The following IQCE variants were observed in gnomAD, a reference collection of about 807,000 sequenced individuals.
IQCE encodes the protein IQ domain-containing protein E.
A neutral mutation model predicts 96.0 loss-of-function variants in IQCE; 115 were observed. That is an observed-to-expected ratio of 1.20 (90% CI 1.03 to 1.40). The LOEUF is 1.40. Among genes scored for constraint, IQCE ranks in the 40% most tolerant of loss-of-function variants. The pLI, the probability that IQCE is intolerant of heterozygous loss-of-function variation, is 0.00. For synonymous variants in IQCE, 412 were observed against 371.2 expected, an observed-to-expected ratio of 1.11 and a Z score of -1.26; for missense variants, 1,041 against 909.1, an observed-to-expected ratio of 1.15 and a Z score of -1.87.
intron 2 of IQCE, 44 bp downstream of exon 2, chr7:2,567,207 C>T (rs375504814): frequency 3.3e-5 from 51 of 1,536,792 alleles, no homozygotes; most frequent in African/African-American, 4.1e-5. Context: ...GGGCTGGTTG[C>T]GCTGCCCTTG....
In IQCE at chr7:2,574,956, G is replaced by A. The variant is rs545963311; in HGVS notation, c.465+1468G>A. ...CTTCTGTCTTGGTCTTCGCTGAGAC[G>A]CCCACCCTGTGCCTCTTCACTTGTT... On this transcript the variant is annotated intron_variant, in intron 6 of 21. Coordinates refer to ENST00000402050, the MANE Select transcript of IQCE (RefSeq NM_152558.5). 1.7e-4 allele frequency among the ~76,000 whole-genome samples: 26 copies of A among 152,306 alleles called. 1 individual carries two copies. The South Asian group carries it at 3.7e-3, about 22-fold the overall frequency.
chr7:2,590,675 G>T, intron 14 of IQCE, among the ~76,000 whole-genome samples: 1 of 152,040 alleles, frequency 6.6e-6, no homozygotes. Context: ...CCAAGGCAGA[G>T]GATCACTTGA....
intron 17 of IQCE, among the ~76,000 whole-genome samples, chr7:2,600,852 A>G (rs1488472824): frequency 1.3e-5 from 2 of 152,188 alleles, no homozygotes; most frequent in Non-Finnish European, 2.9e-5. Flanking sequence ...GCTCACATCT[A>G]TAAGAACACA....
chr7:2,609,395 C>T lies in IQCE; in HGVS notation c.1970-649C>T, dbSNP rs1041229662. Among the ~76,000 whole-genome samples the T allele has an allele frequency of 4.2e-4, 64 of 151,998 alleles. 1 individual carries two copies. The highest frequency in any genetic ancestry group is 1.5e-3 in the African/African-American group (62 of 41,426). The stretch of plus-strand genomic sequence containing the variant: ...TCCTGGGTTCAAGCCACCCTCCCAC[C>T]TCGGCCTCCAGAGTCCTGGGGTTAC... On this transcript the variant is annotated intron_variant, in intron 21 of 21. Coordinates refer to ENST00000402050, the MANE Select transcript of IQCE (RefSeq NM_152558.5).
rs546685728 is a variant in IQCE at position 2,596,152 on chromosome 7, G to A, written c.1440+1176G>A. 3.9e-5 allele frequency among the ~76,000 whole-genome samples: 6 copies of A among 152,286 alleles called. No individual in the cohort carries two copies. The East Asian group carries it at 5.8e-4, about 15-fold the overall frequency. ...CCACCACCTATGGTCCCAGCTGCTC[G>A]GGAGGCAGCGGTGGGAAGATCGCTC... is the stretch of plus-strand genomic sequence containing the variant. On this transcript the variant is annotated intron_variant, in intron 16 of 21. Coordinates refer to ENST00000402050, the MANE Select transcript of IQCE (RefSeq NM_152558.5).
At position 2,578,273 on chromosome 7, in the gene IQCE, T is replaced by G; in HGVS notation, c.497T>G (p.Leu166Arg). ...CACGTGCAGAAGAGCGACGTGGACC[T>G]GATGAGAACGAAGCTCCGGCGCCTG... ...SLHVQKSDVD[L>R]MRTKLRRLEE... The change falls in exon 7 of 22, where the codon CTG becomes CGG. Residue 166 changes from leucine (L) to arginine (R), a missense_variant. Physicochemically the swap from Leu to Arg is moderately radical, Grantham distance 102 (BLOSUM62 -2). Coordinates refer to ENST00000402050, the MANE Select transcript of IQCE (RefSeq NM_152558.5). 1 of 1,613,798 alleles carries G rather than the reference T, an allele frequency of 6.2e-7. No individual in the cohort carries two copies. Among genetic ancestry groups the G allele is most frequent in the Non-Finnish European group, 8.5e-7 (1 of 1,179,858 alleles).
At chr7:2,602,918 C>T (rs1240996565) in intron 18 of IQCE, among the ~76,000 whole-genome samples, 1 of 152,236 alleles carries the variant, frequency 6.6e-6, no homozygotes, top group Non-Finnish European at 1.5e-5. Flanking sequence ...CACGAGCGCC[C>T]TCCACGAGCA....
chr7:2,567,085 C>A, intron 1 of IQCE, 31 bp from the exon 2 acceptor site: 1 of 1,605,282 alleles, frequency 6.2e-7, no homozygotes, highest in South Asian at 1.1e-5. Flanking sequence ...CAGGTGCCGT[C>A]GAGTTACAGT....
chr7:2,605,808 G>T, intron 19 of IQCE, 68 bp from the exon 20 acceptor site: 1 of 1,415,568 alleles, frequency 7.1e-7, no homozygotes, highest in African/African-American at 1.5e-5. Flanking sequence ...GGTGCCCTGG[G>T]GGTTGAGTGC....
At position 2,593,136 on chromosome 7, in the gene IQCE, C is replaced by T. The variant is rs746557132; in HGVS notation, c.1349+10C>T. ...GAGAGGAGGTTTTGAGGTATGTGAC[C>T]CGGGTCAGGGCTGGAGAGGACCCAG... On this transcript the variant is annotated intron_variant, in intron 15 of 21. Coordinates refer to ENST00000402050, the MANE Select transcript of IQCE (RefSeq NM_152558.5). The T allele has an allele frequency of 1.2e-5, 20 of 1,607,308 alleles. No homozygotes were observed. The highest frequency in any genetic ancestry group is 2.2e-5 in the East Asian group (1 of 44,766).
chr7:2,559,281 C>T (rs1026541737), intron 1 of IQCE, 64 bp downstream of exon 1: 7 of 1,054,054 alleles, frequency 6.6e-6, no homozygotes, highest in Middle Eastern at 7.3e-4. Context: ...GTCTCCGTCG[C>T]CCGCAGCCTC....
chr7:2,560,647 T>A (rs1170518489), intron 1 of IQCE, among the ~76,000 whole-genome samples: 4 of 152,042 alleles, frequency 2.6e-5, no homozygotes, highest in Admixed American at 6.5e-5. Context: ...TTATTTATTT[T>A]TTATTATTTT....
intron 20 of IQCE, among the ~76,000 whole-genome samples, chr7:2,606,371 C>T (rs73043182): frequency 0.12 from 18,935 of 152,042 alleles, 1,236 homozygotes; most frequent in Admixed American, 0.16. Flanking sequence ...TTGTGACCTC[C>T]GTGTTGGACA....
At chr7:2,607,448 C>G in intron 21 of IQCE, 1 of 1,321,200 alleles carries the variant, frequency 7.6e-7, no homozygotes, top group Non-Finnish European at 9.6e-7. Flanking sequence ...TTGCCGAGGT[C>G]CTTGCTGTCT....
chr7:2,575,758 C>T lies in IQCE; in HGVS notation c.465+2270C>T, dbSNP rs558885111. ...GGTTTTTATGGTCTGCACCCATTGGCTTTTTTAGGCAGTTGGTTTCTCCAG... is the reference window on the plus strand; with the variant it reads ...GGTTTTTATGGTCTGCACCCATTGGTTTTTTTAGGCAGTTGGTTTCTCCAG... On this transcript the variant is annotated intron_variant, in intron 6 of 21. Transcript: ENST00000402050. Among the ~76,000 whole-genome samples, 195 of 152,256 alleles carry T rather than the reference C, an allele frequency of 1.3e-3. 2 individuals carry two copies. Among genetic ancestry groups the T allele is most frequent in the African/African-American group, 4.6e-3 (191 of 41,540 alleles).
intron 21 of IQCE, among the ~76,000 whole-genome samples, chr7:2,607,971 C>T (rs6958580): frequency 0.025 from 3,820 of 152,168 alleles, 169 homozygotes; most frequent in African/African-American, 0.087. Flanking sequence ...AAGTGTCAGG[C>T]GAAGGGCTTT....
chr7:2,606,768 A>T (rs1014172401), intron 20 of IQCE, among the ~76,000 whole-genome samples: 1 of 152,094 alleles, frequency 6.6e-6, no homozygotes, highest in Non-Finnish European at 1.5e-5. Context: ...CCCAGCCAGG[A>T]GGTGGAGGGC....
chr7:2,584,006 G>A (rs1455091092), intron 10 of IQCE, among the ~76,000 whole-genome samples: 1 of 150,842 alleles, frequency 6.6e-6, no homozygotes, highest in East Asian at 2.0e-4. Context: ...GGCGGGCACC[G>A]AGTGGGAGGG....
intron 8 of IQCE, among the ~76,000 whole-genome samples, chr7:2,580,565 T>C (rs1782586192): frequency 6.6e-6 from 1 of 151,880 alleles, no homozygotes; most frequent in Non-Finnish European, 1.5e-5. Context: ...TGAGCTGAGA[T>C]CGTGCCACTG....
Sources: allele counts gnomAD v4.1 joint callset (sites outside exome capture counted in the v4.1 genomes callset), GRCh38; gene constraint gnomAD v4.1.1; transcripts MANE v1.5; gene names NCBI Gene and HGNC (gene_info 2026-07-23, HGNC 2026-07-21).